The following SDK1 variants were observed in gnomAD, a reference collection of about 807,000 sequenced individuals.
The protein encoded by SDK1 is protein sidekick-1.
SDK1 carries 157 observed loss-of-function variants against 245.5 expected under a neutral mutation model. That is an observed-to-expected ratio of 0.64 (90% CI 0.56 to 0.73). The LOEUF (loss-of-function observed/expected upper bound fraction) is 0.73, where lower values mean the gene tolerates loss of function less well. SDK1 is among the 30% of genes least tolerant of loss of function. The pLI, the probability that SDK1 is intolerant of heterozygous loss-of-function variation, is 0.00. For missense variants in SDK1, 3,583 were observed against 3,002.3 expected (o/e 1.19, Z -4.52); for synonymous variants, 1,647 against 1,278.5 (o/e 1.29, Z -6.15).
At chr7:3,487,772 AAAAAG>A (rs1562517255) in intron 1 of SDK1, among the ~76,000 whole-genome samples, 1 of 150,682 alleles carries the variant, frequency 6.6e-6, no homozygotes, top group Admixed American at 6.6e-5. Context: ...AAAAAAAAAA[AAAAAG>A]AAAAGGAATT....
At chr7:4,171,262 C>T (rs1781821197) in intron 32 of SDK1, among the ~76,000 whole-genome samples, 1 of 152,180 alleles carries the variant, frequency 6.6e-6, no homozygotes, top group African/African-American at 2.4e-5. Context: ...CTGGAGAGAC[C>T]CTCATCTGTG....
intron 1 of SDK1, among the ~76,000 whole-genome samples, chr7:3,372,305 A>C (rs1365026177): frequency 6.6e-6 from 1 of 152,210 alleles, no homozygotes; most frequent in East Asian, 1.9e-4. Context: ...AGCTAGTCCA[A>C]CACAACTGAT....
chr7:3,570,989 C>T (rs961861984), intron 1 of SDK1, among the ~76,000 whole-genome samples: 7 of 152,042 alleles, frequency 4.6e-5, no homozygotes, highest in Middle Eastern at 3.4e-3. Flanking sequence ...AAAGTACACA[C>T]GTTTGTTTTA....
intron 26 of SDK1, 188 bp from the exon 27 acceptor site, chr7:4,129,720 T>C: frequency 2.7e-5 from 38 of 1,422,328 alleles, no homozygotes; most frequent in Non-Finnish European, 3.5e-5. Context: ...GCGCAGTCAC[T>C]TTACAACCAC....
chr7:3,864,681 T>A (rs1420353765), intron 5 of SDK1, among the ~76,000 whole-genome samples: 2 of 152,100 alleles, frequency 1.3e-5, no homozygotes, highest in Non-Finnish European at 1.5e-5. Context: ...GGGGCAGAGT[T>A]GGTGTGCCTC....
At chr7:3,388,835 C>A (rs144513060) in intron 1 of SDK1, among the ~76,000 whole-genome samples, 57 of 152,262 alleles carry the variant, frequency 3.7e-4, no homozygotes, top group African/African-American at 1.3e-3. Flanking sequence ...CAGGCACATG[C>A]TTGATGCTAG....
chr7:3,451,820 C>G (rs978114687), intron 1 of SDK1, among the ~76,000 whole-genome samples: 1 of 152,136 alleles, frequency 6.6e-6, no homozygotes, highest in Non-Finnish European at 1.5e-5. Flanking sequence ...ACCAACTGTA[C>G]TGGGCCAATC....
At chr7:3,609,707 C>G (rs142411735) in intron 1 of SDK1, among the ~76,000 whole-genome samples, 1 of 145,618 alleles carries the variant, frequency 6.9e-6, no homozygotes, top group African/African-American at 2.6e-5. Flanking sequence ...GCCTCCCCAC[C>G]CCCCGCCACC....
At chr7:3,862,252 A>G (rs936357348) in intron 5 of SDK1, among the ~76,000 whole-genome samples, 2 of 152,204 alleles carry the variant, frequency 1.3e-5, no homozygotes, top group African/African-American at 4.8e-5. Flanking sequence ...GACCAATTAC[A>G]TCAGAATGTC....
At chr7:3,970,991 GCGTC>G (rs746185973) in intron 11 of SDK1, among the ~76,000 whole-genome samples, 59 of 152,298 alleles carry the variant, frequency 3.9e-4, no homozygotes, top group Admixed American at 1.8e-3. Context: ...GCATCTCTGA[GCGTC>G]CATCTTCCTT....
At chr7:4,081,065 T>G (rs1254370613) in intron 22 of SDK1, among the ~76,000 whole-genome samples, 1 of 152,194 alleles carries the variant, frequency 6.6e-6, no homozygotes, top group Non-Finnish European at 1.5e-5. Flanking sequence ...CGCTGTGGTC[T>G]TTGGTGTCTG....
chr7:3,363,109 G>T (rs1373328315), intron 1 of SDK1, among the ~76,000 whole-genome samples: 1 of 152,102 alleles, frequency 6.6e-6, no homozygotes, highest in African/African-American at 2.4e-5. Context: ...CTCTCATGTT[G>T]CCCTTCTGCA....
chr7:3,990,686 C>T (rs1784234917), intron 14 of SDK1, among the ~76,000 whole-genome samples: 1 of 152,242 alleles, frequency 6.6e-6, no homozygotes, highest in Non-Finnish European at 1.5e-5. Flanking sequence ...TCGTGCTCCT[C>T]ATTCCCTGCA....
chr7:3,566,647 G>T (rs1779929261), intron 1 of SDK1, among the ~76,000 whole-genome samples: 1 of 151,062 alleles, frequency 6.6e-6, no homozygotes, highest in African/African-American at 2.4e-5. Context: ...AATGGAAAAT[G>T]ATGTAGGTGT....
chr7:3,314,712 G>A (rs1296684207), intron 1 of SDK1, among the ~76,000 whole-genome samples: 6 of 152,116 alleles, frequency 3.9e-5, no homozygotes, highest in Non-Finnish European at 7.3e-5. Context: ...TGAAATATAA[G>A]TTGTGTTATG....
In SDK1 at chr7:3,639,316, C is replaced by T. The variant is rs529715256; in HGVS notation, c.565+206C>T. ...GGCTGTTGAGGCAAAGGGCACTTTT[C>T]TTCATTTGAAAAGACTCAGGACCCT... On this transcript the variant is annotated intron_variant, in intron 3 of 44. Transcript: ENST00000404826. 4.6e-5 allele frequency among the ~76,000 whole-genome samples: 7 copies of T among 152,272 alleles called. No homozygotes were observed. The East Asian group carries it at 1.4e-3, about 29-fold the overall frequency.
intron 4 of SDK1, among the ~76,000 whole-genome samples, chr7:3,800,463 C>T (rs1436640517): frequency 6.6e-6 from 1 of 152,042 alleles, no homozygotes; most frequent in African/African-American, 2.4e-5. Flanking sequence ...CTCACTGCAA[C>T]TTCTGCCTCC....
rs543352720 is a variant in SDK1, at chr7:3,793,859, T to C, written c.714-27591T>C. 3.0e-4 allele frequency among the ~76,000 whole-genome samples: 45 copies of C among 152,278 alleles called. 1 individual carries two copies. The highest frequency in any genetic ancestry group is 1.1e-3 in the African/African-American group (45 of 41,564). ...GCACAATGGCAGTCACCTTGGAAGATGTAGGTGGATCTACCTAAGCCTGAT... is the reference window on the plus strand; with the variant it reads ...GCACAATGGCAGTCACCTTGGAAGACGTAGGTGGATCTACCTAAGCCTGAT... On this transcript the variant is annotated intron_variant, in intron 4 of 44. Coordinates refer to ENST00000404826, the MANE Select transcript of SDK1 (RefSeq NM_152744.4).
At chr7:4,211,556 C>G (rs1400576009) in intron 38 of SDK1, among the ~76,000 whole-genome samples, 1 of 152,172 alleles carries the variant, frequency 6.6e-6, no homozygotes, top group Non-Finnish European at 1.5e-5. Context: ...CATGTGGCTG[C>G]TGCTCTGCAC....
Sources: gnomAD v4.1 joint callset for allele counts (sites outside exome capture counted in the v4.1 genomes callset) on GRCh38, gnomAD v4.1.1 for gene constraint, MANE v1.5 for transcripts, NCBI Gene and HGNC (gene_info 2026-07-23, HGNC 2026-07-21) for gene names.